The following MAP2K4 variants were observed in gnomAD, a reference collection of about 807,000 sequenced individuals.
MAP2K4 encodes the protein mitogen-activated protein kinase kinase 4.
A neutral mutation model predicts 48.5 loss-of-function variants in MAP2K4; 4 were observed. The ratio of observed to expected loss-of-function variants is 0.08; its 90% CI spans 0.04 to 0.19. The LOEUF (loss-of-function observed/expected upper bound fraction) is 0.19, where lower values mean the gene tolerates loss of function less well. Among genes scored for constraint, MAP2K4 ranks in the 10% least tolerant of loss-of-function variants. The pLI, the probability that MAP2K4 is intolerant of heterozygous loss-of-function variation, is 1.00. For missense variants in MAP2K4, 258 were observed against 493.3 expected (o/e 0.52, Z 4.52); for synonymous variants, 166 against 173.1 (o/e 0.96, Z 0.32).
chr17:12,083,290 T>TA (rs1333257296), intron 3 of MAP2K4, among the ~76,000 whole-genome samples: 2 of 152,266 alleles, frequency 1.3e-5, no homozygotes, highest in African/African-American at 2.4e-5. Context: ...GTATAATGCT[T>TA]ACTCAAGTTT....
At chr17:12,093,399 T>A (rs1374626610) in intron 3 of MAP2K4, among the ~76,000 whole-genome samples, 2 of 152,210 alleles carry the variant, frequency 1.3e-5, no homozygotes. Flanking sequence ...TTAGATCATG[T>A]AGTCCATATA....
chr17:12,052,525 A>G (rs1422385325), intron 1 of MAP2K4, among the ~76,000 whole-genome samples: 2 of 152,172 alleles, frequency 1.3e-5, no homozygotes, highest in East Asian at 3.8e-4. Context: ...GTTAGCTACT[A>G]TTCCGTCAAA....
intron 2 of MAP2K4, among the ~76,000 whole-genome samples, chr17:12,079,233 A>G (rs1281944850): frequency 1.3e-5 from 2 of 152,180 alleles, no homozygotes; most frequent in Non-Finnish European, 1.5e-5. Flanking sequence ...TTCGCTTTCA[A>G]CTTATTCAGT....
chr17:12,143,663 C>T lies in MAP2K4; in HGVS notation c.*2403C>T, dbSNP rs1401423730. Reference sequence around the variant, plus strand: ...TCTATTTAAGATATATACATGGAATCGAAGTGTTTATGTAATAGTTCTATC... The same window carrying T: ...TCTATTTAAGATATATACATGGAATTGAAGTGTTTATGTAATAGTTCTATC... On this transcript the variant is annotated 3_prime_UTR_variant, in exon 11 of 11. Coordinates refer to ENST00000353533, the MANE Select transcript of MAP2K4 (RefSeq NM_003010.4). The T allele has an allele frequency of 6.5e-5, 15 of 230,726 alleles. No individual in the cohort carries two copies. The highest frequency in any genetic ancestry group is 2.0e-4 in the African/African-American group (9 of 45,314). The allele number at this position is 230,726 out of a possible 1,614,324, so 14.3% of individuals were successfully genotyped here.
chr17:12,033,217 A>G (rs1969493176), intron 1 of MAP2K4, among the ~76,000 whole-genome samples: 1 of 152,254 alleles, frequency 6.6e-6, no homozygotes, highest in African/African-American at 2.4e-5. Flanking sequence ...ACTACTCTCC[A>G]GTTAACATAA....
chr17:12,028,256 C>T (rs1045978630), intron 1 of MAP2K4, among the ~76,000 whole-genome samples: 1 of 152,086 alleles, frequency 6.6e-6, no homozygotes, highest in Admixed American at 6.5e-5. Flanking sequence ...AGAAAAAGAG[C>T]TGGCATTATG....
chr17:12,112,688 G>T (rs1056504013), intron 6 of MAP2K4, among the ~76,000 whole-genome samples: 2 of 152,274 alleles, frequency 1.3e-5, no homozygotes, highest in African/African-American at 4.8e-5. Flanking sequence ...TATGGATAGA[G>T]AATTAGTTGG....
chr17:12,121,928 A>G (rs1567670843), intron 7 of MAP2K4, among the ~76,000 whole-genome samples: 3 of 152,186 alleles, frequency 2.0e-5, no homozygotes, highest in African/African-American at 7.2e-5. Context: ...TCTTCTTGCC[A>G]TCTCTCAGCA....
At position 12,139,889 on chromosome 17, in the gene MAP2K4, G is replaced by A; in HGVS notation, c.1086+5G>A. On this transcript the variant is annotated splice_donor_5th_base_variant and intron_variant, in intron 10 of 10. Transcript: ENST00000353533. ...CCAAAGTATAAAGAGCTTCTGGTGAGTGTGGGACTGTGGGGATTGTAGGTA... is the reference window on the plus strand; with the variant it reads ...CCAAAGTATAAAGAGCTTCTGGTGAATGTGGGACTGTGGGGATTGTAGGTA... The A allele has an allele frequency of 6.3e-7, 1 of 1,593,390 alleles. No individual in the cohort carries two copies. The highest frequency in any genetic ancestry group is 8.6e-7 in the Non-Finnish European group (1 of 1,167,732).
At chr17:12,141,062 G>T in intron 10 of MAP2K4, 85 bp from the exon 11 acceptor site, 1 of 799,552 alleles carries the variant, frequency 1.3e-6, no homozygotes, top group Non-Finnish European at 2.2e-6. Flanking sequence ...GGAGCCTGGA[G>T]TTCTATGTTC....
chr17:12,128,123 G>A (rs984840026), intron 8 of MAP2K4, among the ~76,000 whole-genome samples: 3 of 152,182 alleles, frequency 2.0e-5, no homozygotes, highest in African/African-American at 7.2e-5. Flanking sequence ...TGTCCCCCAG[G>A]CTGGAGTGCA....
chr17:12,052,012 T>G (rs967170447), intron 1 of MAP2K4, among the ~76,000 whole-genome samples: 1 of 152,120 alleles, frequency 6.6e-6, no homozygotes, highest in African/African-American at 2.4e-5. Context: ...TTCTTGAATC[T>G]CACCTTCGGT....
intron 3 of MAP2K4, among the ~76,000 whole-genome samples, chr17:12,087,147 C>T (rs1327256855): frequency 6.6e-6 from 1 of 152,134 alleles, no homozygotes; most frequent in African/African-American, 2.4e-5. Context: ...CACGCCCAGC[C>T]AAAAACCTGT....
At chr17:12,026,588 C>T (rs933795899) in intron 1 of MAP2K4, among the ~76,000 whole-genome samples, 6 of 152,108 alleles carry the variant, frequency 3.9e-5, no homozygotes, top group Admixed American at 6.5e-5. Context: ...TTATTTGTTC[C>T]GGAAGAGGTA....
rs1022640712 is a variant in MAP2K4 at position 12,139,954 on chromosome 17, A to G, written c.1086+70A>G. The G allele has an allele frequency of 4.8e-5, 51 of 1,072,396 alleles. 2 individuals carry two copies. In the South Asian group the frequency reaches 8.2e-4, roughly 17 times the overall value. The allele number at this position is 1,072,396 out of a possible 1,614,324, so 66.4% of individuals were successfully genotyped here. The stretch of plus-strand genomic sequence containing the variant: ...AACTCTCTTAACATGCTGGTTCACT[A>G]AGCAAGCAGTGGGCCTCTCTGTCAT... On this transcript the variant is annotated intron_variant, in intron 10 of 10. Coordinates refer to ENST00000353533, the MANE Select transcript of MAP2K4 (RefSeq NM_003010.4).
chr17:12,089,526 G>A (rs1349909896), intron 3 of MAP2K4, among the ~76,000 whole-genome samples: 1 of 152,170 alleles, frequency 6.6e-6, no homozygotes, highest in Non-Finnish European at 1.5e-5. Context: ...TTACCTTGCT[G>A]AGTTTCATTG....
At chr17:12,057,131 A>G (rs1003127066) in intron 2 of MAP2K4, among the ~76,000 whole-genome samples, 2 of 152,042 alleles carry the variant, frequency 1.3e-5, no homozygotes, top group Non-Finnish European at 2.9e-5. Flanking sequence ...TTTTTCTGAG[A>G]ACCAACAGTT....
chr17:12,106,767 C>T (rs899139446), intron 4 of MAP2K4, among the ~76,000 whole-genome samples: 1 of 151,782 alleles, frequency 6.6e-6, no homozygotes, highest in African/African-American at 2.4e-5. Context: ...TCTGTGTATC[C>T]TGTACTTTTA....
rs192475274 is a variant in MAP2K4, at chr17:12,131,839, G to A, written c.1040+2552G>A. On this transcript the variant is annotated intron_variant, in intron 9 of 10. Coordinates refer to ENST00000353533, the MANE Select transcript of MAP2K4 (RefSeq NM_003010.4). ...GATATTTTTCATACTTATATTCGACGAAGGACTTTTACACAGAATATGTAA... is the reference window on the plus strand; with the variant it reads ...GATATTTTTCATACTTATATTCGACAAAGGACTTTTACACAGAATATGTAA... 5.3e-5 allele frequency among the ~76,000 whole-genome samples: 8 copies of A among 152,216 alleles called. No individual in the cohort carries two copies. The East Asian group carries it at 1.4e-3, about 26-fold the overall frequency.
Sources: allele counts gnomAD v4.1 joint callset (sites outside exome capture counted in the v4.1 genomes callset), GRCh38; gene constraint gnomAD v4.1.1; transcripts MANE v1.5; gene names NCBI Gene and HGNC (gene_info 2026-07-23, HGNC 2026-07-21).